FBXO38: variants seen among roughly 807,000 people sequenced by gnomAD.
FBXO38 encodes the protein F-box protein 38.
In FBXO38, 53 loss-of-function variants were observed where a neutral mutation model predicts 131.9. That is an observed-to-expected ratio of 0.40 (90% CI 0.32 to 0.51). The LOEUF (loss-of-function observed/expected upper bound fraction) is 0.51. Among genes scored for constraint, FBXO38 ranks in the 20% least tolerant of loss-of-function variants. The probability of loss-of-function intolerance (pLI) is 0.53; values close to 1 mark genes in which losing one functional copy is unlikely to be tolerated. For synonymous variants in FBXO38, 452 were observed against 505.6 expected (o/e 0.89, Z 1.42); for missense variants, 1,076 against 1,475.6 (o/e 0.73, Z 4.44).
chr5:148,397,027 A>T (rs1758516888), intron 2 of FBXO38, among the ~76,000 whole-genome samples: 1 of 152,208 alleles, frequency 6.6e-6, no homozygotes. Context: ...AGAAAACAGC[A>T]TTTGACAGCA....
chr5:148,438,192 G>T (rs1754461049), intron 17 of FBXO38, 140 bp from the exon 18 acceptor site: 1 of 657,046 alleles, frequency 1.5e-6, no homozygotes, highest in Non-Finnish European at 2.3e-6. Context: ...AAATTTTTTT[G>T]TTAACTGTGA....
chr5:148,421,264 A>G (rs1397208494), intron 12 of FBXO38, among the ~76,000 whole-genome samples: 1 of 152,164 alleles, frequency 6.6e-6, no homozygotes, highest in African/African-American at 2.4e-5. Flanking sequence ...ACGCCCGGCC[A>G]AGAATTTGAA....
chr5:148,407,440 A>G (rs1040774320), intron 7 of FBXO38, among the ~76,000 whole-genome samples: 1 of 152,234 alleles, frequency 6.6e-6, no homozygotes, highest in African/African-American at 2.4e-5. Context: ...TGGGTCATAG[A>G]TTCAGATGAG....
chr5:148,422,875 T>C lies in FBXO38; in HGVS notation c.1619-1123T>C, dbSNP rs139165378. Among the ~76,000 whole-genome samples, 18 of 152,334 alleles carry C rather than the reference T, an allele frequency of 1.2e-4. No homozygotes were observed. The East Asian group carries it at 3.3e-3, about 28-fold the overall frequency. ...AGCTTTTTAGCAAGGCTTTCCAAGC[T>C]TTTAACAATCTGGGGCCCAGGCTAC... On this transcript the variant is annotated intron_variant, in intron 12 of 21. Coordinates refer to ENST00000340253, the MANE Select transcript of FBXO38 (RefSeq NM_205836.3).
In FBXO38 at chr5:148,425,609, T is replaced by C. The variant is rs915646541; in HGVS notation, c.1826T>C (p.Leu609Pro). 1.9e-6 allele frequency: 3 copies of C among 1,613,880 alleles called. No homozygotes were observed. Among genetic ancestry groups the C allele is most frequent in the Admixed American group, 3.3e-5 (2 of 60,008 alleles). Residue 609 changes from leucine to proline, a missense_variant, in exon 14 of 22, where the codon CTC (leucine) becomes CCC (proline). Physicochemically the swap from Leu to Pro is moderately conservative, Grantham distance 98 (BLOSUM62 -3). This residue lies in a region of FBXO38 where 212 missense variants were observed against 221.2 expected (regional missense o/e 0.96). Coordinates refer to ENST00000340253, the MANE Select transcript of FBXO38 (RefSeq NM_205836.3). ...ESDDEEDSLE[L>P]QEVWIPKNGT... Reference sequence around the variant, plus strand: ...GATGATGAAGAAGATAGTCTAGAACTCCAAGAAGTCTGGATTCCTAAGAAC... The same window carrying C: ...GATGATGAAGAAGATAGTCTAGAACCCCAAGAAGTCTGGATTCCTAAGAAC...
At chr5:148,398,352 G>A (rs1751926426) in intron 2 of FBXO38, among the ~76,000 whole-genome samples, 2 of 151,096 alleles carry the variant, frequency 1.3e-5, no homozygotes. Flanking sequence ...AGATAATAAA[G>A]AAGAATGGAA....
chr5:148,433,815 G>A (rs968459876), intron 17 of FBXO38, 78 bp downstream of exon 17: 16 of 706,282 alleles, frequency 2.3e-5, no homozygotes, highest in Non-Finnish European at 3.8e-5. Flanking sequence ...TACTGTAATA[G>A]CATTACTGTC....
chr5:148,399,242 T>A, intron 3 of FBXO38, 110 bp downstream of exon 3: 1 of 1,242,744 alleles, frequency 8.0e-7, no homozygotes, highest in Non-Finnish European at 1.1e-6. Context: ...AGTCACCTTG[T>A]AGGCTGGCAA....
At chr5:148,429,397 C>G (rs560771761) in intron 15 of FBXO38, among the ~76,000 whole-genome samples, 1 of 151,728 alleles carries the variant, frequency 6.6e-6, no homozygotes, top group Non-Finnish European at 1.5e-5. Flanking sequence ...TGTCCATTCT[C>G]GTGCTATGAT....
At chr5:148,432,990 G>A (rs940319347) in intron 15 of FBXO38, among the ~76,000 whole-genome samples, 1 of 152,228 alleles carries the variant, frequency 6.6e-6, no homozygotes, top group Non-Finnish European at 1.5e-5. Context: ...TTGGCAGTGG[G>A]AGATGACTAG....
rs1754475974 is a variant in FBXO38, at chr5:148,438,452, T to C, written c.2978T>C (p.Met993Thr). 6.2e-7 allele frequency: 1 copy of C among 1,613,918 alleles called. No individual in the cohort carries two copies. The highest frequency in any genetic ancestry group is 8.5e-7 in the Non-Finnish European group (1 of 1,179,936). ...CAGGTACTAGACCAGATACTAAGAA[T>C]GCCACCCGAGAGAAACCGCATCATA... ...MDQVLDQILR[M>T]PPERNRIIYL... The change falls in exon 18 of 22, where the codon ATG (methionine) becomes ACG (threonine). Residue 993 changes from methionine to threonine, a missense_variant. Met to Thr is a moderately conservative substitution (Grantham distance 81, BLOSUM62 -1). Around this residue, in one of 8 missense-constraint regions of FBXO38, gnomAD observed 282 missense variants for 418.8 expected, o/e 0.67. Coordinates refer to ENST00000340253, the MANE Select transcript of FBXO38 (RefSeq NM_205836.3).
intron 15 of FBXO38, among the ~76,000 whole-genome samples, chr5:148,432,585 C>T (rs537451059): frequency 1.3e-4 from 20 of 152,238 alleles, no homozygotes; most frequent in Admixed American, 1.1e-3. Flanking sequence ...TGAGTTAATA[C>T]GAGTAAAACC....
At position 148,424,095 on chromosome 5, in the gene FBXO38, G is replaced by C. The variant is rs963516634; in HGVS notation, c.1716G>C (p.Val572=). ...TPAHSQAIIP[V]DVDEEQAGPS... ...CTCACAGCCAGGCAATTATTCCTGT[G>C]GATGTTGATGAGGAACAAGCAGGTA... Residue 572 remains valine, a synonymous_variant, in exon 13 of 22, where the codon GTG becomes GTC. Transcript: ENST00000340253. 5.0e-6 allele frequency: 8 copies of C among 1,613,348 alleles called. No homozygotes were observed. In the Admixed American group the frequency reaches 5.0e-5, roughly 10 times the overall value.
intron 9 of FBXO38, 193 bp downstream of exon 9, chr5:148,410,958 T>G: frequency 1.9e-6 from 1 of 534,520 alleles, no homozygotes; most frequent in Non-Finnish European, 3.2e-6. Flanking sequence ...CCTCTGATTT[T>G]AGCATATTAT....
chr5:148,416,133 GA>G (rs1187899264), intron 11 of FBXO38, 63 bp downstream of exon 11: 5 of 1,302,752 alleles, frequency 3.8e-6, no homozygotes, highest in Non-Finnish European at 5.1e-6. Flanking sequence ...AACAGCCTGT[GA>G]TTTTTTTTTT....
At chr5:148,425,487 A>C in intron 13 of FBXO38, 35 bp from the exon 14 acceptor site, 2 of 1,567,598 alleles carry the variant, frequency 1.3e-6, no homozygotes, top group Non-Finnish European at 1.7e-6. Context: ...TTTCTTGCGC[A>C]AAAAGTAACT....
intron 14 of FBXO38, among the ~76,000 whole-genome samples, chr5:148,426,362 A>G (rs1270677652): frequency 1.3e-5 from 2 of 152,236 alleles, no homozygotes; most frequent in Non-Finnish European, 2.9e-5. Context: ...TGTTCAAAAC[A>G]CATTTAACAC....
In FBXO38 at chr5:148,425,657, G is replaced by C; in HGVS notation, c.1874G>C (p.Arg625Pro). Residue 625 changes from arginine to proline, a missense_variant, in exon 14 of 22, where the codon CGT becomes CCT. Physicochemically the swap from Arg to Pro is moderately radical, Grantham distance 103. This residue lies in a region of FBXO38 where 212 missense variants were observed against 221.2 expected (regional missense o/e 0.96). Coordinates refer to ENST00000340253, the MANE Select transcript of FBXO38 (RefSeq NM_205836.3). ...PKNGTRRYSE[R>P]EEKTGESVQS... ...AACGGTACTCGGCGTTACTCTGAAC[G>C]TGAAGAAAAAACTGGAGAGTCAGTG... The C allele has an allele frequency of 1.2e-6, 2 of 1,613,944 alleles. No individual in the cohort carries two copies. Among genetic ancestry groups the C allele is most frequent in the African/African-American group, 1.3e-5 (1 of 75,024 alleles).
Position 148,414,186 on chromosome 5 carries a change from G to C in FBXO38, c.1144G>C (p.Glu382Gln). ...GAAGTATGGTTTGGCTGATGTGGTAGAAAATCCTGGTATCATCACTGATAT... is the reference window on the plus strand; with the variant it reads ...GAAGTATGGTTTGGCTGATGTGGTACAAAATCCTGGTATCATCACTGATAT... ...LVKYGLADVV[E>Q]NPGIITDIGM... Residue 382 changes from glutamate to glutamine, a missense_variant, in exon 10 of 22, where the codon GAA becomes CAA. Physicochemically the swap from Glu to Gln is conservative, Grantham distance 29. Around this residue, in one of 8 missense-constraint regions of FBXO38, gnomAD observed 146 missense variants for 274.3 expected, o/e 0.53. Transcript: ENST00000340253. 6.2e-7 allele frequency: 1 copy of C among 1,612,362 alleles called. No individual in the cohort carries two copies. The highest frequency in any genetic ancestry group is 8.5e-7 in the Non-Finnish European group (1 of 1,179,394).
Sources: allele counts gnomAD v4.1 joint callset (sites outside exome capture counted in the v4.1 genomes callset), GRCh38; gene constraint gnomAD v4.1.1; regional missense constraint gnomAD v4.1.1; transcripts MANE v1.5; gene names NCBI Gene and HGNC (gene_info 2026-07-23, HGNC 2026-07-21).